The following ZFP62 variants were observed in gnomAD, a reference collection of about 807,000 sequenced individuals.
ZFP62 encodes the protein ZFP62 zinc finger protein.
Under a neutral mutation model 56.4 loss-of-function variants are expected in ZFP62, and 44 were observed. The ratio of observed to expected loss-of-function variants is 0.78; its 90% CI spans 0.61 to 1.00. ZFP62 has a LOEUF of 1.00. Ranked by LOEUF, ZFP62 falls within the 50% of genes least tolerant of loss-of-function variation. The probability of loss-of-function intolerance (pLI) is 0.00; values close to 1 mark genes in which losing one functional copy is unlikely to be tolerated. For synonymous variants in ZFP62, 421 were observed against 388.9 expected, an observed-to-expected ratio of 1.08 and a Z score of -0.97; for missense variants, 1,030 against 1,085.7, an observed-to-expected ratio of 0.95 and a Z score of 0.72.
the ZFP62 span, among the ~76,000 whole-genome samples, chr5:180,828,979 G>C: frequency 6.6e-6 from 1 of 152,200 alleles, no homozygotes; most frequent in African/African-American, 2.4e-5. Context: ...ACTGAGATAC[G>C]TCCTGGTCTC....
chr5:180,838,088 G>A, the ZFP62 span, among the ~76,000 whole-genome samples: 7 of 152,104 alleles, frequency 4.6e-5, no homozygotes, highest in African/African-American at 7.2e-5. Context: ...TTTCTACTAA[G>A]AGATGAAAAA....
chr5:180,827,567 C>T, the ZFP62 span, among the ~76,000 whole-genome samples: 1 of 152,198 alleles, frequency 6.6e-6, no homozygotes, highest in Non-Finnish European at 1.5e-5. Context: ...TGCGGAAGGC[C>T]GCAGGGACCT....
the ZFP62 span, chr5:180,831,841 T>G: frequency 6.6e-6 from 1 of 152,426 alleles, no homozygotes; most frequent in Non-Finnish European, 1.5e-5. Context: ...ACCTGGAACT[T>G]TCTTCCTTTT....
chr5:180,858,257 CAAAA>C lies in ZFP62; in HGVS notation c.1+2958_1+2961del, dbSNP rs1159409435. On this transcript the variant is annotated intron_variant, in intron 1 of 1. Coordinates refer to ENST00000502412, the MANE Select transcript of ZFP62 (RefSeq NM_001172638.2). ...GGGCAAGAAGAGTGAAACTCTGTCTCAAAAAAAAAAAAAAAAAAAAAGAAAAAAA... is the reference window on the plus strand; with the variant it reads ...GGGCAAGAAGAGTGAAACTCTGTCTCAAAAAAAAAAAAAAAAAGAAAAAAA... 2.2e-4 allele frequency among the ~76,000 whole-genome samples: 9 copies of C among 40,272 alleles called. No individual in the cohort carries two copies. The Admixed American group carries it at 3.9e-3, about 17-fold the overall frequency. The allele number at this position is 40,272 out of a possible 152,430, so 26.4% of individuals were successfully genotyped here.
chr5:180,842,250 A>C, the ZFP62 span, among the ~76,000 whole-genome samples: 1 of 152,210 alleles, frequency 6.6e-6, no homozygotes, highest in African/African-American at 2.4e-5. Context: ...CAGGAGATAC[A>C]GTGAGAAGGC....
At chr5:180,856,739 G>T (rs964064974) in intron 1 of ZFP62, among the ~76,000 whole-genome samples, 4 of 151,906 alleles carry the variant, frequency 2.6e-5, no homozygotes, top group Non-Finnish European at 5.9e-5. Context: ...CAGATCATGA[G>T]ATCAGGAGAT....
At chr5:180,838,435 T>C in the ZFP62 span, among the ~76,000 whole-genome samples, 1 of 152,218 alleles carries the variant, frequency 6.6e-6, no homozygotes, top group Non-Finnish European at 1.5e-5. Context: ...ACACTCACAA[T>C]GCACAATTCT....
the ZFP62 span, among the ~76,000 whole-genome samples, chr5:180,829,126 C>T: frequency 6.6e-6 from 1 of 152,166 alleles, no homozygotes; most frequent in Admixed American, 6.5e-5. Context: ...GAACATAGAC[C>T]CTTATCAGGA....
At chr5:180,845,516 C>T (rs765673465), downstream of ZFP62, among the ~76,000 whole-genome samples, 2 of 152,072 alleles carry the variant, frequency 1.3e-5, no homozygotes, top group African/African-American at 2.4e-5. Flanking sequence ...CGGCTTCCTT[C>T]GCACAATGAC....
At chr5:180,840,759 CAAAA>C in the ZFP62 span, among the ~76,000 whole-genome samples, 1 of 142,826 alleles carries the variant, frequency 7.0e-6, no homozygotes, top group Admixed American at 7.0e-5. Context: ...GAATCTGCCT[CAAAA>C]AAAAAATAGA....
downstream of ZFP62, chr5:180,845,885 T>C (rs1398718756): frequency 3.0e-6 from 3 of 985,418 alleles, no homozygotes; most frequent in Non-Finnish European, 3.6e-6. Context: ...ACACAAAACA[T>C]GAAATTATTT....
chr5:180,847,402 C>T (rs249315), downstream of ZFP62, among the ~76,000 whole-genome samples: 3 of 152,050 alleles, frequency 2.0e-5, no homozygotes, highest in Non-Finnish European at 4.4e-5. Flanking sequence ...CCAGTAACGA[C>T]GATCACATGG....
the ZFP62 span, among the ~76,000 whole-genome samples, chr5:180,829,086 G>A: frequency 2.4e-4 from 37 of 151,948 alleles, no homozygotes; most frequent in African/African-American, 6.3e-4. Context: ...TTTCTGTTAA[G>A]GTGTTTATCA....
chr5:180,849,577 T>C lies in ZFP62; in HGVS notation c.1918A>G (p.Thr640Ala). ...SLLSQHRRVHTREKPYECDRC... is the reference protein window; with the variant it reads ...SLLSQHRRVHAREKPYECDRC... ...TCACATTCATAGGGTTTCTCTCTAG[T>C]GTGGACCCTTCTGTGCTGAGAAAGG... Residue 640 changes from threonine to alanine, a missense_variant, in exon 2 of 2, where the codon ACT becomes GCT. By Grantham distance (58) the Thr-to-Ala change is moderately conservative (BLOSUM62 0). Transcript: ENST00000502412. 6 of 1,552,194 alleles carry C rather than the reference T, an allele frequency of 3.9e-6. No homozygotes were observed. Among genetic ancestry groups the C allele is most frequent in the South Asian group, 1.2e-5 (1 of 84,060 alleles).
chr5:180,833,590 C>G, the ZFP62 span, among the ~76,000 whole-genome samples: 23 of 151,958 alleles, frequency 1.5e-4, no homozygotes, highest in African/African-American at 5.6e-4. Flanking sequence ...CTCACCATAA[C>G]GTGACCATGC....
chr5:180,839,616 G>A, the ZFP62 span, among the ~76,000 whole-genome samples: 1 of 152,210 alleles, frequency 6.6e-6, no homozygotes, highest in Non-Finnish European at 1.5e-5. Flanking sequence ...ACTTGAGGGT[G>A]AAGGGCAGGA....
intron 1 of ZFP62, among the ~76,000 whole-genome samples, chr5:180,853,879 G>T (rs890600034): frequency 1.3e-5 from 2 of 152,170 alleles, no homozygotes; most frequent in Admixed American, 1.3e-4. Flanking sequence ...CTAGAGAAAG[G>T]GACATAAAAA....
chr5:180,856,893 C>T lies in ZFP62; in HGVS notation c.1+4326G>A, dbSNP rs183154750. Among the ~76,000 whole-genome samples, 21 of 141,736 alleles carry T rather than the reference C, an allele frequency of 1.5e-4. No homozygotes were observed. The East Asian group carries it at 4.0e-3, about 27-fold the overall frequency. 93.0% of individuals were successfully genotyped at this position (141,736 alleles called of 152,430 possible). A position where few individuals can be genotyped will look rare whatever the true frequency, so the allele number is the denominator to read the frequency against. ...GGCATGAACCTGGGAGGCGAGCCTG[C>T]AGTGAGCTGAGATCGTGCCACTGCA... On this transcript the variant is annotated intron_variant, in intron 1 of 1. Coordinates refer to ENST00000502412, the MANE Select transcript of ZFP62 (RefSeq NM_001172638.2).
downstream of ZFP62, chr5:180,845,928 T>C (rs930186922): frequency 8.6e-6 from 8 of 932,700 alleles, no homozygotes; most frequent in Non-Finnish European, 1.0e-5. Flanking sequence ...AATTTGCTAA[T>C]AGAGACATGC....
Sources: gnomAD v4.1 joint callset for allele counts (sites outside exome capture counted in the v4.1 genomes callset) on GRCh38, gnomAD v4.1.1 for gene constraint, MANE v1.5 for transcripts, NCBI Gene and HGNC (gene_info 2026-07-23, HGNC 2026-07-21) for gene names.